Variants in ALG13 observed in about 807,000 individuals in gnomAD.
ALG13 encodes the protein ALG13 UDP-N-acetylglucosaminyltransferase subunit, also known as UDP-N-acetylglucosamine transferase subunit ALG13.
Under a neutral mutation model 87.8 loss-of-function variants are expected in ALG13, and 11 were observed. The ratio of observed to expected loss-of-function variants is 0.13; its 90% CI spans 0.08 to 0.21. The LOEUF (loss-of-function observed/expected upper bound fraction) is 0.21. Ranked by LOEUF, ALG13 falls within the 10% of genes least tolerant of loss-of-function variation. The probability of loss-of-function intolerance (pLI) is 1.00; values close to 1 mark genes in which losing one functional copy is unlikely to be tolerated. For missense variants in ALG13, 756 were observed against 866.1 expected (o/e 0.87, Z 1.60); for synonymous variants, 320 against 306.3 (o/e 1.04, Z -0.47).
chrX:111,689,930 GACA>G, intron 3 of ALG13: 1 of 753,851 alleles, frequency 1.3e-6, no homozygotes, highest in Non-Finnish European at 1.6e-6. Context: ...TTTGGCGTAT[GACA>G]ACCTTACCTA....
intron 14 of ALG13, 119 bp from the exon 15 acceptor site, chrX:111,724,815 A>C (rs1035146196): frequency 3.2e-5 from 24 of 744,978 alleles, no homozygotes; most frequent in Non-Finnish European, 4.5e-5. Flanking sequence ...AAACAAGGAA[A>C]CTGGTGTCAA....
At chrX:111,754,727 G>A (rs1158079746) in intron 25 of ALG13, among the ~76,000 whole-genome samples, 1 of 111,309 alleles carries the variant, frequency 9.0e-6, no homozygotes, top group African/African-American at 3.3e-5. Context: ...GGGATGTGAA[G>A]GACCTCTTCA....
In ALG13 at chrX:111,760,238, T is replaced by C. The variant is rs1240556390; in HGVS notation, c.*239T>C. The C allele has an allele frequency of 1.4e-5, 5 of 354,091 alleles. No individual in the cohort carries two copies. The highest frequency in any genetic ancestry group is 5.3e-5 in the Admixed American group (1 of 18,759). 29.2% of individuals were successfully genotyped at this position (354,091 alleles called of 1,213,427 possible). On this transcript the variant is annotated 3_prime_UTR_variant, in exon 27 of 27. Transcript: ENST00000394780. ...CTAGCCCCATATTGAGCATACTTCA[T>C]TGTATTCAGCTGTTTTCCTGTCAGC...
At chrX:111,714,791 A>G (rs779268825) in intron 8 of ALG13, among the ~76,000 whole-genome samples, 14 of 111,663 alleles carry the variant, frequency 1.3e-4, no homozygotes, top group Non-Finnish European at 2.6e-4. Context: ...GATATATTTT[A>G]AAGTAAATTT....
chrX:111,719,700 C>T lies in ALG13; in HGVS notation c.1251-395C>T, dbSNP rs968762253. Among the ~76,000 whole-genome samples the T allele has an allele frequency of 1.5e-4, 17 of 111,779 alleles. 1 individual carries two copies. The highest frequency in any genetic ancestry group is 5.2e-4 in the African/African-American group (16 of 30,670). On this transcript the variant is annotated intron_variant, in intron 10 of 26. Transcript: ENST00000394780. Reference sequence around the variant, plus strand: ...GGTTCTTGGCAGCATTCAGTTCCTTCGAGCTATAGGACTGAGAGCTTCAAG... The same window carrying T: ...GGTTCTTGGCAGCATTCAGTTCCTTTGAGCTATAGGACTGAGAGCTTCAAG...
intron 15 of ALG13, among the ~76,000 whole-genome samples, chrX:111,725,742 C>G (rs1941921672): frequency 9.0e-6 from 1 of 111,258 alleles, no homozygotes; most frequent in Non-Finnish European, 1.9e-5. Context: ...TGTTCTACAC[C>G]TATAAAAATT....
At chrX:111,753,004 G>T (rs1360221054) in intron 25 of ALG13, 174 bp downstream of exon 25, 1 of 385,866 alleles carries the variant, frequency 2.6e-6, no homozygotes, top group Non-Finnish European at 4.5e-6. Flanking sequence ...TAGCCTCCCA[G>T]TGCTTTAGTT....
intron 22 of ALG13, 129 bp downstream of exon 22, chrX:111,735,251 T>A: frequency 2.2e-6 from 1 of 448,771 alleles, no homozygotes; most frequent in Non-Finnish European, 3.9e-6. Flanking sequence ...TTGTACCTTC[T>A]GGTGTCTGAC....
At chrX:111,753,626 T>C (rs1944956572) in intron 25 of ALG13, among the ~76,000 whole-genome samples, 1 of 111,701 alleles carries the variant, frequency 9.0e-6, no homozygotes, top group Admixed American at 9.5e-5. Flanking sequence ...CAAACTGCCA[T>C]CAGAGAATAC....
At chrX:111,742,909 A>G (rs980251452) in intron 23 of ALG13, among the ~76,000 whole-genome samples, 17 of 112,609 alleles carry the variant, frequency 1.5e-4, no homozygotes, top group Non-Finnish European at 1.5e-4. Flanking sequence ...TTCTTGAGAC[A>G]TCCCTTGAAG....
In ALG13 at chrX:111,757,691, A is replaced by G. The variant is rs1181557647; in HGVS notation, c.3077A>G (p.Asp1026Gly). 8.3e-7 allele frequency: 1 copy of G among 1,210,301 alleles called. No individual in the cohort carries two copies. Among genetic ancestry groups the G allele is most frequent in the Admixed American group, 2.2e-5 (1 of 45,920 alleles). ...GTCTATACTGAGCCACCTCTGGTAG[A>G]TCAAACCGTTCCTCAATGCTACAGT... ...YPVYTEPPLV[D>G]QTVPQCYSEV... The change falls in exon 26 of 27, where the codon GAT becomes GGT. Residue 1026 changes from aspartate (D) to glycine (G), a missense_variant. Asp to Gly is a moderately conservative substitution (Grantham distance 94). Coordinates refer to ENST00000394780, the MANE Select transcript of ALG13 (RefSeq NM_001099922.3).
chrX:111,727,232 A>G (rs1462404459), intron 16 of ALG13, 100 bp from the exon 17 acceptor site: 1 of 890,076 alleles, frequency 1.1e-6, no homozygotes, highest in East Asian at 3.3e-5. Context: ...TTCTAGTTGA[A>G]TGTTTTTAGA....
At chrX:111,749,465 G>T (rs1045586130) in intron 24 of ALG13, among the ~76,000 whole-genome samples, 10 of 108,841 alleles carry the variant, frequency 9.2e-5, no homozygotes, top group Non-Finnish European at 1.7e-4. Flanking sequence ...AGTAAGGTAG[G>T]GTCATTTGCA....
Position 111,708,448 on chromosome X carries a change from A to G in ALG13, c.750+55A>G. ...GAGTTTTCAGAGTTTGAGACATGGG[A>G]TGGTCCTGTAGTTTGCCAGAAGAAA... On this transcript the variant is annotated intron_variant, in intron 4 of 26. Coordinates refer to ENST00000394780, the MANE Select transcript of ALG13 (RefSeq NM_001099922.3). The G allele has an allele frequency of 2.6e-6, 3 of 1,152,906 alleles. No homozygotes were observed. In the South Asian group the frequency reaches 6.2e-5, roughly 24 times the overall value.
chrX:111,684,124 A>C (rs1209791560), intron 2 of ALG13, among the ~76,000 whole-genome samples: 1 of 111,587 alleles, frequency 9.0e-6, no homozygotes, highest in Non-Finnish European at 1.9e-5. Flanking sequence ...TCTGTTTTAC[A>C]CTTGGAGTAT....
intron 3 of ALG13, 68 bp from the exon 4 acceptor site, chrX:111,707,959 C>A: frequency 9.2e-7 from 1 of 1,087,361 alleles, no homozygotes; most frequent in Non-Finnish European, 1.2e-6. Flanking sequence ...CTCCCTCCCT[C>A]CCATGTCTCC....
rs747837898 is a variant in ALG13, at chrX:111,685,080, T to C, written c.360T>C (p.Gly120=). 26 of 1,207,671 alleles carry C rather than the reference T, an allele frequency of 2.2e-5. No individual in the cohort carries two copies. In the Admixed American group the frequency reaches 5.7e-4, roughly 27 times the overall value. ...TGGCAAAGCAGCTACACAAAGAGGG[T>C]CATCTCTTCTATTGTACCTGCAGGT... ...LELAKQLHKE[G]HLFYCTCRVL... is the part of the protein sequence containing the mutation. Residue 120 remains glycine, a synonymous_variant, in exon 3 of 27, where the codon GGT becomes GGC. Coordinates refer to ENST00000394780, the MANE Select transcript of ALG13 (RefSeq NM_001099922.3).
Position 111,681,293 on chromosome X carries a change from T to C in ALG13, c.75T>C (p.Ser25=). 8.3e-7 allele frequency: 1 copy of C among 1,211,840 alleles called. No homozygotes were observed. Among genetic ancestry groups the C allele is most frequent in the Non-Finnish European group, 1.1e-6 (1 of 895,394 alleles). Residue 25 remains serine (S), a synonymous_variant, in exon 1 of 27, where the codon AGT becomes AGC. Transcript: ENST00000394780. ...DLIACVSAPD[S]LQKIESLGYN... Reference sequence around the variant, plus strand: ...TTGCGTGTGTGTCGGCGCCCGACAGTCTGCAAGTGAGTGAGGGAGGCGAGC... The same window carrying C: ...TTGCGTGTGTGTCGGCGCCCGACAGCCTGCAAGTGAGTGAGGGAGGCGAGC...
chrX:111,730,708 G>C, intron 21 of ALG13, 128 bp downstream of exon 21: 1 of 490,860 alleles, frequency 2.0e-6, no homozygotes, highest in Non-Finnish European at 3.3e-6. Flanking sequence ...TCATTTTGAA[G>C]ATGAAATTGA....
Sources: allele counts gnomAD v4.1 joint callset (sites outside exome capture counted in the v4.1 genomes callset), GRCh38; gene constraint gnomAD v4.1.1; transcripts MANE v1.5; gene names NCBI Gene and HGNC (gene_info 2026-07-23, HGNC 2026-07-21).